Variants in PAM observed in about 807,000 individuals in gnomAD.
PAM encodes the protein peptidylglycine alpha-amidating monooxygenase, also known as peptidyl-glycine alpha-amidating monooxygenase.
A neutral mutation model predicts 122.1 loss-of-function variants in PAM; 72 were observed. That is an observed-to-expected ratio of 0.59 (90% CI 0.49 to 0.72). The LOEUF is 0.72. Among genes scored for constraint, PAM ranks in the 30% least tolerant of loss-of-function variants. PAM has a pLI of 0.00. For synonymous variants in PAM, 389 were observed against 404.4 expected, an observed-to-expected ratio of 0.96 and a Z score of 0.46; for missense variants, 1,106 against 1,183.7, an observed-to-expected ratio of 0.93 and a Z score of 0.96.
At chr5:102,761,390 C>T (rs1283081320) in intron 1 of PAM, among the ~76,000 whole-genome samples, 2 of 152,106 alleles carry the variant, frequency 1.3e-5, no homozygotes, top group African/African-American at 4.8e-5. Flanking sequence ...AATAATAGGT[C>T]CAGCCAACAG....
chr5:102,913,993 A>G lies in PAM; in HGVS notation c.328A>G (p.Asn110Asp). ...CCATCACATGTTACTTTTTGGATGC[A>G]ATATGCCTTCATCCACTGGAAGTTA... is the stretch of plus-strand genomic sequence containing the variant. Reference protein sequence around the residue: ...TVHHMLLFGCNMPSSTGSYWF... With the variant: ...TVHHMLLFGCDMPSSTGSYWF... Residue 110 changes from asparagine (N) to aspartate (D), a missense_variant, in exon 5 of 26, where the codon AAT becomes GAT. This residue lies in a region of PAM where 670 missense variants were observed against 690.3 expected (regional missense o/e 0.97). Coordinates refer to ENST00000438793, the MANE Select transcript of PAM (RefSeq NM_001177306.2). 6.3e-7 allele frequency: 1 copy of G among 1,599,746 alleles called. No homozygotes were observed. Among genetic ancestry groups the G allele is most frequent in the South Asian group, 1.1e-5 (1 of 90,802 alleles).
chr5:102,793,454 C>T (rs568673170), intron 1 of PAM, among the ~76,000 whole-genome samples: 19 of 152,288 alleles, frequency 1.2e-4, no homozygotes, highest in Non-Finnish European at 2.5e-4. Context: ...TTGCTTGAGC[C>T]TGGGAGGTGG....
chr5:102,882,973 G>A (rs1791775589), intron 3 of PAM, among the ~76,000 whole-genome samples: 1 of 151,886 alleles, frequency 6.6e-6, no homozygotes, highest in African/African-American at 2.4e-5. Context: ...TTGTTAAATA[G>A]GGTCCTTTCC....
At chr5:102,784,671 T>C (rs1360127836) in intron 1 of PAM, among the ~76,000 whole-genome samples, 2 of 152,244 alleles carry the variant, frequency 1.3e-5, no homozygotes, top group Non-Finnish European at 2.9e-5. Flanking sequence ...ATACTCAACG[T>C]ATTTGTTGAA....
At chr5:102,819,379 GAT>G (rs1473101580) in intron 1 of PAM, among the ~76,000 whole-genome samples, 2 of 151,888 alleles carry the variant, frequency 1.3e-5, no homozygotes, top group Non-Finnish European at 2.9e-5. Context: ...GTGCTGGTGT[GAT>G]AATATGAATA....
At chr5:102,864,180 ATATAT>A (rs1784890998) in intron 1 of PAM, among the ~76,000 whole-genome samples, 1 of 138,662 alleles carries the variant, frequency 7.2e-6, no homozygotes, top group Non-Finnish European at 1.5e-5. Flanking sequence ...ATATATATAT[ATATAT>A]TTTTTTTTTT....
intron 1 of PAM, among the ~76,000 whole-genome samples, chr5:102,833,807 C>T (rs971208306): frequency 3.9e-5 from 6 of 152,104 alleles, no homozygotes; most frequent in African/African-American, 1.2e-4. Context: ...GGATTCCTTA[C>T]CCCTGTCCCC....
Position 102,796,187 on chromosome 5 carries a change from GTGGAGT to G in PAM, c.-374+40844_-374+40849del, listed in dbSNP as rs1417001241. On this transcript the variant is annotated intron_variant, in intron 1 of 25. Coordinates refer to ENST00000438793, the MANE Select transcript of PAM (RefSeq NM_001177306.2). The stretch of plus-strand genomic sequence containing the variant: ...GTTCAAGTTAATGAGGGCAACACCA[GTGGAGT>G]TGGACCCTCTGTAGCTAATAGTCTG... 1.2e-4 allele frequency among the ~76,000 whole-genome samples: 18 copies of G among 152,300 alleles called. No homozygotes were observed. The East Asian group carries it at 3.5e-3, about 29-fold the overall frequency.
intron 16 of PAM, among the ~76,000 whole-genome samples, chr5:102,992,994 T>C (rs1434332248): frequency 6.6e-6 from 1 of 152,112 alleles, no homozygotes; most frequent in Admixed American, 6.6e-5. Flanking sequence ...CAGCTGTCTT[T>C]ATAAGTACCA....
At chr5:102,890,269 CTCT>C (rs1228978579) in intron 3 of PAM, among the ~76,000 whole-genome samples, 6 of 151,804 alleles carry the variant, frequency 4.0e-5, no homozygotes, top group Non-Finnish European at 7.4e-5. Context: ...CTGATTGTCT[CTCT>C]TCTTGTAATG....
At chr5:102,765,921 A>G (rs1201814415) in intron 1 of PAM, among the ~76,000 whole-genome samples, 2 of 152,170 alleles carry the variant, frequency 1.3e-5, no homozygotes, top group Admixed American at 6.5e-5. Context: ...CCTATTTCCA[A>G]TTCGTCACAT....
intron 3 of PAM, among the ~76,000 whole-genome samples, chr5:102,887,152 A>G (rs991700882): frequency 2.0e-5 from 3 of 152,006 alleles, no homozygotes; most frequent in Non-Finnish European, 2.9e-5. Flanking sequence ...TTGATTCCCA[A>G]TGTGGCACTG....
At chr5:102,916,156 A>G (rs1803021906) in intron 5 of PAM, among the ~76,000 whole-genome samples, 1 of 152,114 alleles carries the variant, frequency 6.6e-6, no homozygotes, top group Admixed American at 6.6e-5. Context: ...TCATTTTTGC[A>G]AAAGACTTAT....
intron 1 of PAM, among the ~76,000 whole-genome samples, chr5:102,803,584 C>G (rs1765457591): frequency 6.6e-6 from 1 of 152,098 alleles, no homozygotes; most frequent in African/African-American, 2.4e-5. Context: ...CCATGTGACA[C>G]AGGAGGAACC....
intron 16 of PAM, among the ~76,000 whole-genome samples, chr5:102,993,184 T>C (rs1774675467): frequency 1.3e-5 from 2 of 152,136 alleles, no homozygotes; most frequent in South Asian, 4.1e-4. Context: ...GCTTCTCTTC[T>C]AGCTGAAATA....
chr5:102,932,234 G>C (rs946112366), intron 7 of PAM, among the ~76,000 whole-genome samples: 1 of 152,064 alleles, frequency 6.6e-6, no homozygotes, highest in Non-Finnish European at 1.5e-5. Flanking sequence ...AGTGGCTCAC[G>C]CCTGTAATCT....
rs187188068 is a variant in PAM at position 102,828,061 on chromosome 5, A to C, written c.-373-37762A>C. ...TTTCTTAAATGTTCTATTCATGGCC[A>C]TGCACGGTGGCTGATACCTATAATC... On this transcript the variant is annotated intron_variant, in intron 1 of 25. Coordinates refer to ENST00000438793, the MANE Select transcript of PAM (RefSeq NM_001177306.2). Among the ~76,000 whole-genome samples, 600 of 152,274 alleles carry C rather than the reference A, an allele frequency of 3.9e-3. 1 individual carries two copies. Among genetic ancestry groups the C allele is most frequent in the Middle Eastern group, 0.017 (5 of 294 alleles).
At chr5:102,802,859 T>C (rs947091982) in intron 1 of PAM, among the ~76,000 whole-genome samples, 3 of 152,086 alleles carry the variant, frequency 2.0e-5, no homozygotes, top group African/African-American at 7.2e-5. Flanking sequence ...ACATATGAGG[T>C]AGTACTATTG....
At chr5:103,010,783 T>C (rs1780366763) in intron 21 of PAM, among the ~76,000 whole-genome samples, 1 of 152,172 alleles carries the variant, frequency 6.6e-6, no homozygotes, top group African/African-American at 2.4e-5. Flanking sequence ...TTTTAATTTT[T>C]AATTTTTGTG....
Sources: allele counts gnomAD v4.1 joint callset (sites outside exome capture counted in the v4.1 genomes callset), GRCh38; gene constraint gnomAD v4.1.1; regional missense constraint gnomAD v4.1.1; transcripts MANE v1.5; gene names NCBI Gene and HGNC (gene_info 2026-07-23, HGNC 2026-07-21).